The following SPEG variants were observed in gnomAD, a reference collection of about 807,000 sequenced individuals.
The protein encoded by SPEG is striated muscle preferentially expressed protein kinase.
A neutral mutation model predicts 300.4 loss-of-function variants in SPEG; 114 were observed. The observed-to-expected ratio is 0.38, with a 90% CI of 0.33 to 0.44. The LOEUF is 0.44. Among genes scored for constraint, SPEG ranks in the 20% least tolerant of loss-of-function variants. The pLI, the probability that SPEG is intolerant of heterozygous loss-of-function variation, is 1.00. For synonymous variants in SPEG, 1,964 were observed against 2,018.9 expected (o/e 0.97, Z 0.73); for missense variants, 4,201 against 4,586.2 (o/e 0.92, Z 2.43).
chr2:219,460,617 T>A, intron 6 of SPEG: 1 of 985,556 alleles, frequency 1.0e-6, no homozygotes, highest in South Asian at 4.7e-5. Flanking sequence ...ATCCCGCGGC[T>A]TGGGAGTGAG....
intron 18 of SPEG, among the ~76,000 whole-genome samples, chr2:219,475,380 C>A (rs968501234): frequency 6.6e-6 from 1 of 152,180 alleles, no homozygotes; most frequent in African/African-American, 2.4e-5. Context: ...TTGAAACTTT[C>A]CGGTGCTTTG....
At chr2:219,462,454 T>C (rs1034999984) in intron 8 of SPEG, 68 bp downstream of exon 8, 1 of 1,324,540 alleles carries the variant, frequency 7.5e-7, no homozygotes, top group African/African-American at 1.5e-5. Context: ...GAGGTCTGGC[T>C]TTGGGTGGAA....
At position 219,464,296 on chromosome 2, in the gene SPEG, C is replaced by T. The variant is rs1236411974; in HGVS notation, c.2706-137C>T. ...CCTAGCCCTGGAAACCAGGGATGCC[C>T]ACGGTCAGTGGGACAGATCTGGGGA... On this transcript the variant is annotated intron_variant, in intron 8 of 40. Coordinates refer to ENST00000312358, the MANE Select transcript of SPEG (RefSeq NM_005876.5). The surrounding 1 kb of genome is among the most constrained non-coding windows in gnomAD (Gnocchi z 4.5). The T allele has an allele frequency of 4.2e-6, 4 of 959,554 alleles. No individual in the cohort carries two copies. Among genetic ancestry groups the T allele is most frequent in the Non-Finnish European group, 6.1e-6 (4 of 651,522 alleles). The allele number at this position is 959,554 out of a possible 1,614,324, so 59.4% of individuals were successfully genotyped here. A position where few individuals can be genotyped will look rare whatever the true frequency, so the allele number is the denominator to read the frequency against.
intron 6 of SPEG, among the ~76,000 whole-genome samples, chr2:219,457,885 C>T (rs779528236): frequency 3.9e-5 from 6 of 152,204 alleles, no homozygotes; most frequent in African/African-American, 9.6e-5. Context: ...TTCCCTTTTT[C>T]CTGCAAACTG....
At position 219,434,937 on chromosome 2, in the gene SPEG, C is replaced by T. The variant is rs1417384915; in HGVS notation, c.-41C>T. 2.8e-6 allele frequency: 4 copies of T among 1,451,754 alleles called. No individual in the cohort carries two copies. The highest frequency in any genetic ancestry group is 3.6e-6 in the Non-Finnish European group (4 of 1,111,010). The allele number at this position is 1,451,754 out of a possible 1,614,324, so 89.9% of individuals were successfully genotyped here. A position where few individuals can be genotyped will look rare whatever the true frequency, so the allele number is the denominator to read the frequency against. ...ACCGTCCCGCGGGTGCCCCCGTGGC[C>T]GCCCAGTTCCGGCGTCCCCCCAGCC... is the stretch of plus-strand genomic sequence containing the variant. On this transcript the variant is annotated 5_prime_UTR_variant, in exon 1 of 41. Coordinates refer to ENST00000312358, the MANE Select transcript of SPEG (RefSeq NM_005876.5).
At position 219,473,628 on chromosome 2, in the gene SPEG, G is replaced by A; in HGVS notation, c.4271+1G>A. On this transcript the variant is annotated splice_donor_variant, in intron 17 of 40. Transcript: ENST00000312358. LOFTEE classifies it high-confidence loss of function. The surrounding 1 kb of genome is among the most constrained non-coding windows in gnomAD (Gnocchi z 4.6). ...TGGAGGCCCAGGTCGTCTGGAGGAG[G>A]TGGGCCCCTTTCCCACATGTGGCAG... is the stretch of plus-strand genomic sequence containing the variant. 1 of 1,614,200 alleles carries A rather than the reference G, an allele frequency of 6.2e-7. No individual in the cohort carries two copies. The highest frequency in any genetic ancestry group is 8.5e-7 in the Non-Finnish European group (1 of 1,180,026).
Position 219,443,216 on chromosome 2 carries a change from T to C in SPEG, c.389-1437T>C. 6.0e-6 allele frequency: 9 copies of C among 1,492,748 alleles called. No homozygotes were observed. In the South Asian group the frequency reaches 1.0e-4, roughly 17 times the overall value. 92.5% of individuals were successfully genotyped at this position (1,492,748 alleles called of 1,614,324 possible). On this transcript the variant is annotated intron_variant, in intron 1 of 40. Coordinates refer to ENST00000312358, the MANE Select transcript of SPEG (RefSeq NM_005876.5). The surrounding 1 kb of genome is among the most constrained non-coding windows in gnomAD (Gnocchi z 4.6). Reference sequence around the variant, plus strand: ...CTCCTCCTCTTGGTCCCTGTCCCTCTGTGAGGCATCGAGTTCCTGAAGACA... The same window carrying C: ...CTCCTCCTCTTGGTCCCTGTCCCTCCGTGAGGCATCGAGTTCCTGAAGACA...
At chr2:219,463,359 T>C (rs997569447) in intron 8 of SPEG, among the ~76,000 whole-genome samples, 1 of 151,298 alleles carries the variant, frequency 6.6e-6, no homozygotes, top group African/African-American at 2.4e-5. Flanking sequence ...ATTCTGTTTT[T>C]CATTTTTAAT....
chr2:219,438,838 C>A (rs1339660900), intron 1 of SPEG, among the ~76,000 whole-genome samples: 1 of 152,116 alleles, frequency 6.6e-6, no homozygotes, highest in Non-Finnish European at 1.5e-5. Flanking sequence ...GAGAGGAGAG[C>A]TTAGAGATAG....
rs763719113 is a variant in SPEG, at chr2:219,484,535, G to C, written c.7072G>C (p.Glu2358Gln). Residue 2358 changes from glutamate to glutamine, a missense_variant, in exon 30 of 41, where the codon GAG becomes CAG. Physicochemically the swap from Glu to Gln is conservative, Grantham distance 29. Around this residue, in one of 4 missense-constraint regions of SPEG, gnomAD observed 1,578 missense variants for 1,506.0 expected, o/e 1.05. Transcript: ENST00000312358. ...GLRLLSRSRSEERGPFRGAEE... is the reference protein window; with the variant it reads ...GLRLLSRSRSQERGPFRGAEE... ...GCGGCTGCTGAGCCGTTCGCGCTCG[G>C]AGGAGCGCGGCCCCTTCCGTGGGGC... 6.3e-7 allele frequency: 1 copy of C among 1,596,546 alleles called. No homozygotes were observed. The highest frequency in any genetic ancestry group is 1.1e-5 in the South Asian group (1 of 90,022).
chr2:219,453,598 C>T (rs1689939324), intron 6 of SPEG, among the ~76,000 whole-genome samples: 1 of 152,206 alleles, frequency 6.6e-6, no homozygotes. Flanking sequence ...CCCCTGTGTC[C>T]TCAGCTCATC....
Position 219,468,935 on chromosome 2 carries a change from G to A in SPEG, c.3378G>A (p.Val1126=). The A allele has an allele frequency of 6.2e-7, 1 of 1,613,986 alleles. No individual in the cohort carries two copies. The highest frequency in any genetic ancestry group is 8.5e-7 in the Non-Finnish European group (1 of 1,180,000). The change falls in exon 12 of 41, where the codon GTG becomes GTA. Residue 1126 remains valine, a synonymous_variant. Coordinates refer to ENST00000312358, the MANE Select transcript of SPEG (RefSeq NM_005876.5). The stretch of plus-strand genomic sequence containing the variant: ...TGCACTCACTGCACATTGCCCATGT[G>A]GGCAGCGAGGACGAGGGGCTCTATG... ...GGLHSLHIAH[V]GSEDEGLYAV...
At chr2:219,462,103 C>G in intron 7 of SPEG, 46 bp downstream of exon 7, 1 of 1,454,548 alleles carries the variant, frequency 6.9e-7, no homozygotes, top group South Asian at 1.3e-5. Context: ...TGCCCCCGTT[C>G]CTTTGGGTGC....
In SPEG at chr2:219,458,534, G is replaced by A. The variant is rs1034474064; in HGVS notation, c.2441-3348G>A. On this transcript the variant is annotated intron_variant, in intron 6 of 40. Coordinates refer to ENST00000312358, the MANE Select transcript of SPEG (RefSeq NM_005876.5). The surrounding 1 kb of genome is among the most constrained non-coding windows in gnomAD (Gnocchi z 4.2). ...TCTAAGGAGCCCTCCAGGTGATTCC[G>A]ATGCACAGAAAACCTTGAGAACCAC... 1.3e-5 allele frequency among the ~76,000 whole-genome samples: 2 copies of A among 152,146 alleles called. No homozygotes were observed. Among genetic ancestry groups the A allele is most frequent in the Admixed American group, 6.5e-5 (1 of 15,278 alleles).
At chr2:219,492,550 C>T in intron 40 of SPEG, 44 bp from the exon 41 acceptor site, 1 of 1,590,032 alleles carries the variant, frequency 6.3e-7, no homozygotes, top group Middle Eastern at 1.7e-4. Context: ...CGGCAGCTCC[C>T]AGAGCTTCCT....
rs1255342370 is a variant in SPEG, at chr2:219,448,155, A to C, written c.997A>C (p.Thr333Pro). Reference protein sequence around the residue: ...GPPAQPAATPTSPHRRTQEPV... With the variant: ...GPPAQPAATPPSPHRRTQEPV... ...CCCGGCCCAGCCCGCGGCCACCCCC[A>C]CGTCGCCCCACCGTCGCACTCAGGA... Residue 333 changes from threonine to proline, a missense_variant, in exon 4 of 41, where the codon ACG (threonine) becomes CCG (proline). Physicochemically the swap from Thr to Pro is conservative, Grantham distance 38. Transcript: ENST00000312358. The C allele has an allele frequency of 1.2e-6, 2 of 1,608,772 alleles. No homozygotes were observed. The highest frequency in any genetic ancestry group is 1.7e-6 in the Non-Finnish European group (2 of 1,178,088).
chr2:219,443,978 T>A lies in SPEG; in HGVS notation c.389-675T>A. 7.4e-7 allele frequency: 1 copy of A among 1,352,460 alleles called. No homozygotes were observed. Among genetic ancestry groups the A allele is most frequent in the Non-Finnish European group, 9.9e-7 (1 of 1,013,766 alleles). 83.8% of individuals were successfully genotyped at this position (1,352,460 alleles called of 1,614,324 possible). A position where few individuals can be genotyped will look rare whatever the true frequency, so the allele number is the denominator to read the frequency against. On this transcript the variant is annotated intron_variant, in intron 1 of 40. Coordinates refer to ENST00000312358, the MANE Select transcript of SPEG (RefSeq NM_005876.5). This position sits in a 1 kb window ranked among gnomAD's most constrained non-coding sequence, Gnocchi z 4.6. ...CCTCCATGCCCTGCCCCACAAACGCTCTGATAACAGTCTGTCCCTGTCTCT... is the reference window on the plus strand; with the variant it reads ...CCTCCATGCCCTGCCCCACAAACGCACTGATAACAGTCTGTCCCTGTCTCT...
chr2:219,493,188 A>G lies in SPEG; in HGVS notation c.*402A>G, dbSNP rs1694128454. ...GAGAGGAGGAAAAGGAAGGAGCCCC[A>G]GGTGTCAGGGCAGTAGGCTGGGAGT... On this transcript the variant is annotated 3_prime_UTR_variant, in exon 41 of 41. Coordinates refer to ENST00000312358, the MANE Select transcript of SPEG (RefSeq NM_005876.5). 5.0e-6 allele frequency: 2 copies of G among 399,498 alleles called. No individual in the cohort carries two copies. Among genetic ancestry groups the G allele is most frequent in the South Asian group, 2.0e-5 (1 of 50,138 alleles). 24.7% of individuals were successfully genotyped at this position (399,498 alleles called of 1,614,324 possible). A position where few individuals can be genotyped will look rare whatever the true frequency, so the allele number is the denominator to read the frequency against.
Position 219,484,297 on chromosome 2 carries a change from C to G in SPEG, c.6834C>G (p.Val2278=). The part of the protein sequence containing the change: ...PPSEPKPHAA[V]FARVASPPPG... ...CAGAGCCCAAGCCCCACGCTGCTGT[C>G]TTTGCCAGGGTGGCCTCCCCACCTC... Residue 2278 remains valine, a synonymous_variant, in exon 30 of 41, where the codon GTC becomes GTG. Transcript: ENST00000312358. 1 of 1,606,814 alleles carries G rather than the reference C, an allele frequency of 6.2e-7. No individual in the cohort carries two copies. Among genetic ancestry groups the G allele is most frequent in the Non-Finnish European group, 8.5e-7 (1 of 1,179,270 alleles).
Sources: gnomAD v4.1 joint callset for allele counts (sites outside exome capture counted in the v4.1 genomes callset) on GRCh38, gnomAD v4.1.1 for gene constraint, gnomAD v4.1.1 regional missense constraint, Gnocchi (gnomAD v3.1) non-coding constraint, MANE v1.5 for transcripts, NCBI Gene and HGNC (gene_info 2026-07-23, HGNC 2026-07-21) for gene names.